DLGAP1: variants seen among roughly 807,000 people sequenced by gnomAD.
DLGAP1 encodes the protein DLG associated protein 1.
A neutral mutation model predicts 90.8 loss-of-function variants in DLGAP1; 11 were observed. The observed-to-expected ratio is 0.12, with a 90% CI of 0.08 to 0.20. The LOEUF is 0.20. DLGAP1 is among the 10% of genes least tolerant of loss of function. The pLI, the probability that DLGAP1 is intolerant of heterozygous loss-of-function variation, is 1.00. For missense variants in DLGAP1, 1,050 were observed against 1,333.8 expected (o/e 0.79, Z 3.31); for synonymous variants, 558 against 540.7 (o/e 1.03, Z -0.44).
rs144567014 is a variant in DLGAP1 at position 3,767,193 on chromosome 18, C to A, written c.1173-24681G>T. ...ATTGCTTGAAAAACAAAAATTACCA[C>A]AATTCACCTACTTTTCAACAGATAT... On this transcript the variant is annotated intron_variant, in intron 5 of 12. Transcript: ENST00000315677. 9.7e-3 allele frequency among the ~76,000 whole-genome samples: 1,480 copies of A among 152,160 alleles called. 18 individuals are homozygous for A. Among genetic ancestry groups the A allele is most frequent in the Non-Finnish European group, 0.015 (1,036 of 67,956 alleles).
At chr18:3,919,290 T>A (rs1247059612) in intron 3 of DLGAP1, among the ~76,000 whole-genome samples, 2 of 152,238 alleles carry the variant, frequency 1.3e-5, no homozygotes, top group Non-Finnish European at 2.9e-5. Flanking sequence ...GGGAACTTGA[T>A]ACCATCTACT....
At chr18:4,176,376 C>A (rs184050561) in intron 1 of DLGAP1, among the ~76,000 whole-genome samples, 8 of 152,318 alleles carry the variant, frequency 5.3e-5, no homozygotes, top group African/African-American at 1.9e-4. Context: ...AGCACCTCCA[C>A]ACATCTAAAA....
chr18:4,407,775 C>T (rs186828870), intron 1 of DLGAP1, among the ~76,000 whole-genome samples: 31 of 151,914 alleles, frequency 2.0e-4, no homozygotes, highest in Admixed American at 5.2e-4. Context: ...CCCAGCTACT[C>T]GGAAGGCTGA....
At chr18:3,781,660 C>A (rs1026738877) in intron 5 of DLGAP1, among the ~76,000 whole-genome samples, 1 of 152,094 alleles carries the variant, frequency 6.6e-6, no homozygotes, top group Admixed American at 6.5e-5. Context: ...AATTTTGTAC[C>A]TTGTGTGTAT....
chr18:4,260,363 G>A lies in DLGAP1; in HGVS notation c.-266-109076C>T, dbSNP rs1352517503. Among the ~76,000 whole-genome samples the A allele has an allele frequency of 2.6e-5, 4 of 152,174 alleles. No homozygotes were observed. In the South Asian group the frequency reaches 6.2e-4, roughly 24 times the overall value. ...AGTTACCTTACCATGCTGCTGGAAA[G>A]TCCCAACCTGCGGAAGTATAAGTTG... On this transcript the variant is annotated intron_variant, in intron 1 of 12. Transcript: ENST00000315677.
chr18:3,933,778 C>T (rs1226972187), intron 3 of DLGAP1, among the ~76,000 whole-genome samples: 1 of 152,124 alleles, frequency 6.6e-6, no homozygotes, highest in South Asian at 2.1e-4. Flanking sequence ...AGACAGAATG[C>T]AGGGATAGAG....
intron 1 of DLGAP1, among the ~76,000 whole-genome samples, chr18:4,381,766 C>G (rs538343178): frequency 6.6e-6 from 1 of 152,274 alleles, no homozygotes; most frequent in African/African-American, 2.4e-5. Flanking sequence ...TCTCTTTCCA[C>G]TCTAAGGTTC....
chr18:4,154,657 C>T (rs977950226), intron 1 of DLGAP1, among the ~76,000 whole-genome samples: 1 of 152,168 alleles, frequency 6.6e-6, no homozygotes, highest in Non-Finnish European at 1.5e-5. Flanking sequence ...TCAGGAAGTC[C>T]TCTTTTCATC....
chr18:4,360,265 A>G (rs910361302), intron 1 of DLGAP1, among the ~76,000 whole-genome samples: 3 of 152,210 alleles, frequency 2.0e-5, no homozygotes, highest in Non-Finnish European at 4.4e-5. Context: ...TGTACTTGGG[A>G]GCAAATTAAA....
At chr18:4,056,114 T>G (rs183432786) in intron 2 of DLGAP1, among the ~76,000 whole-genome samples, 5 of 152,112 alleles carry the variant, frequency 3.3e-5, no homozygotes, top group African/African-American at 1.2e-4. Flanking sequence ...ACACTGATGA[T>G]GAGGTGAGAG....
intron 5 of DLGAP1, among the ~76,000 whole-genome samples, chr18:3,801,001 T>A (rs959451054): frequency 6.6e-6 from 1 of 152,038 alleles, no homozygotes; most frequent in Admixed American, 6.6e-5. Flanking sequence ...TTCTGGTGAG[T>A]CTTCAGGAAG....
intron 3 of DLGAP1, among the ~76,000 whole-genome samples, chr18:3,963,153 T>C (rs2073241233): frequency 6.6e-6 from 1 of 152,126 alleles, no homozygotes; most frequent in Admixed American, 6.6e-5. Context: ...GAGGGGATTT[T>C]TCCTTAACTG....
chr18:4,420,814 C>G (rs759830567), intron 1 of DLGAP1, among the ~76,000 whole-genome samples: 11 of 152,152 alleles, frequency 7.2e-5, no homozygotes, highest in Non-Finnish European at 1.5e-4. Flanking sequence ...ATTCATATTT[C>G]CCTCCATTAA....
chr18:3,640,330 A>G (rs186371785), intron 7 of DLGAP1, among the ~76,000 whole-genome samples: 1 of 152,308 alleles, frequency 6.6e-6, no homozygotes, highest in African/African-American at 2.4e-5. Flanking sequence ...AGAGAATGGC[A>G]CACTCTTAGG....
At chr18:4,134,224 C>G (rs550522394) in intron 2 of DLGAP1, among the ~76,000 whole-genome samples, 1 of 152,054 alleles carries the variant, frequency 6.6e-6, no homozygotes, top group African/African-American at 2.4e-5. Context: ...TCCTGTCTCT[C>G]TTTGCATCCT....
At chr18:3,904,209 C>T (rs992469938) in intron 3 of DLGAP1, among the ~76,000 whole-genome samples, 1 of 152,212 alleles carries the variant, frequency 6.6e-6, no homozygotes, top group Non-Finnish European at 1.5e-5. Flanking sequence ...TCTCCTTTTT[C>T]AGGAGATTAC....
chr18:3,562,851 C>A (rs1341825563), intron 9 of DLGAP1, among the ~76,000 whole-genome samples: 3 of 151,678 alleles, frequency 2.0e-5, no homozygotes, highest in African/African-American at 7.3e-5. Context: ...ATTTTTGAGA[C>A]ACGGTCTCTC....
At chr18:4,037,789 A>G (rs1233389144) in intron 2 of DLGAP1, among the ~76,000 whole-genome samples, 4 of 152,110 alleles carry the variant, frequency 2.6e-5, no homozygotes, top group Non-Finnish European at 5.9e-5. Context: ...GTGAAACCCC[A>G]TCTCTACCAA....
At chr18:3,708,569 T>A (rs1309867242) in intron 7 of DLGAP1, 1 of 456,168 alleles carries the variant, frequency 2.2e-6, no homozygotes, top group Non-Finnish European at 4.4e-6. Flanking sequence ...AAGAGCACCT[T>A]CAGGAAGGGT....
Sources: gnomAD v4.1 joint callset for allele counts (sites outside exome capture counted in the v4.1 genomes callset) on GRCh38, gnomAD v4.1.1 for gene constraint, MANE v1.5 for transcripts, NCBI Gene and HGNC (gene_info 2026-07-23, HGNC 2026-07-21) for gene names.